The following SLC7A11 variants were observed in gnomAD, a reference collection of about 807,000 sequenced individuals.
The protein encoded by SLC7A11 is solute carrier family 7 member 11.
Under a neutral mutation model 54.5 loss-of-function variants are expected in SLC7A11, and 35 were observed. The observed-to-expected ratio is 0.64, with a 90% CI of 0.49 to 0.85. SLC7A11 has a LOEUF of 0.85. Ranked by LOEUF, SLC7A11 falls within the 40% of genes least tolerant of loss-of-function variation. SLC7A11 has a pLI of 0.00. For missense variants in SLC7A11, 583 were observed against 618.1 expected (o/e 0.94, Z 0.60); for synonymous variants, 230 against 225.2 (o/e 1.02, Z -0.19).
chr4:138,199,688 A>G (rs1367212521), intron 6 of SLC7A11, among the ~76,000 whole-genome samples: 1 of 152,126 alleles, frequency 6.6e-6, no homozygotes, highest in East Asian at 1.9e-4. Context: ...ACTATCTTTT[A>G]GAGAACAGGA....
chr4:138,176,714 C>T (rs553478499), intron 11 of SLC7A11: 2 of 152,276 alleles, frequency 1.3e-5, no homozygotes, highest in African/African-American at 4.8e-5. Context: ...GCTCTTTCTT[C>T]CTCAATTCTC....
intron 6 of SLC7A11, among the ~76,000 whole-genome samples, chr4:138,207,769 G>T (rs1324658477): frequency 6.6e-6 from 1 of 152,068 alleles, no homozygotes; most frequent in Non-Finnish European, 1.5e-5. Flanking sequence ...CAAGATAAAA[G>T]GCTTCAATTA....
At position 138,171,773 on chromosome 4, in the gene SLC7A11, CAT is replaced by C. The variant is rs763283103; in HGVS notation, c.*181_*182del. The C allele has an allele frequency of 2.9e-6, 2 of 690,130 alleles. No homozygotes were observed. The highest frequency in any genetic ancestry group is 1.9e-5 in the African/African-American group (1 of 53,168). The allele number at this position is 690,130 out of a possible 1,614,324, so 42.8% of individuals were successfully genotyped here. A position where few individuals can be genotyped will look rare whatever the true frequency, so the allele number is the denominator to read the frequency against. On this transcript the variant is annotated 3_prime_UTR_variant, in exon 12 of 12. Coordinates refer to ENST00000280612, the MANE Select transcript of SLC7A11 (RefSeq NM_014331.4). ...ACTGCATATTCACTTTCTATAACTACATAGAGTTATAACTAAATTTCTTAGAA... is the reference window on the plus strand; with the variant it reads ...ACTGCATATTCACTTTCTATAACTACAGAGTTATAACTAAATTTCTTAGAA...
chr4:138,240,288 C>T (rs987330823), intron 1 of SLC7A11, among the ~76,000 whole-genome samples: 12 of 152,002 alleles, frequency 7.9e-5, no homozygotes, highest in South Asian at 6.2e-4. Context: ...ATTTGAGGAC[C>T]GGGCGCGGTG....
chr4:138,221,834 G>A (rs2148444935), intron 4 of SLC7A11, among the ~76,000 whole-genome samples: 2 of 152,268 alleles, frequency 1.3e-5, no homozygotes, highest in South Asian at 4.1e-4. Flanking sequence ...AGTTTCAAGG[G>A]ATAGCATATA....
chr4:138,185,231 C>T lies in SLC7A11; in HGVS notation c.805G>A (p.Ala269Thr). ...ACAATGGCCATGGATATACATATTG[C>T]AAGGGGAATGGTTCTGAAATGCACA... ...VENPEKTIPL[A>T]ICISMAIVTI... Residue 269 changes from alanine to threonine, a missense_variant, in exon 7 of 12, where the codon GCA becomes ACA. Ala to Thr is a moderately conservative substitution (Grantham distance 58). Transcript: ENST00000280612. The T allele has an allele frequency of 6.2e-7, 1 of 1,612,636 alleles. No individual in the cohort carries two copies.
At position 138,220,207 on chromosome 4, in the gene SLC7A11, G is replaced by A. The variant is rs373733687; in HGVS notation, c.647-842C>T. Reference sequence around the variant, plus strand: ...CCCGCCTCGGCCTCCCAAAGTGTTAGGATTACAGGTGTGAGCCACTGCGTC... The same window carrying A: ...CCCGCCTCGGCCTCCCAAAGTGTTAAGATTACAGGTGTGAGCCACTGCGTC... On this transcript the variant is annotated intron_variant, in intron 4 of 11. Coordinates refer to ENST00000280612, the MANE Select transcript of SLC7A11 (RefSeq NM_014331.4). Among the ~76,000 whole-genome samples the A allele has an allele frequency of 5.6e-4, 85 of 151,892 alleles. 2 individuals are homozygous for A. The highest frequency in any genetic ancestry group is 1.9e-3 in the African/African-American group (80 of 41,454).
At chr4:138,185,370 G>A in intron 6 of SLC7A11, 126 bp from the exon 7 acceptor site, 1 of 1,096,378 alleles carries the variant, frequency 9.1e-7, no homozygotes, top group Non-Finnish European at 1.3e-6. Flanking sequence ...GGCTCTGTTG[G>A]GTATGTATAA....
intron 6 of SLC7A11, among the ~76,000 whole-genome samples, chr4:138,194,592 C>T (rs1737086819): frequency 6.6e-6 from 1 of 152,140 alleles, no homozygotes; most frequent in Admixed American, 6.5e-5. Flanking sequence ...GCTTTATACT[C>T]TAAATTCCCA....
At chr4:138,223,971 T>A (rs1329566978) in intron 3 of SLC7A11, among the ~76,000 whole-genome samples, 1 of 152,212 alleles carries the variant, frequency 6.6e-6, no homozygotes, top group African/African-American at 2.4e-5. Context: ...CAGGCTAGAA[T>A]GCACATTGGG....
At chr4:138,232,166 T>C (rs1578672094) in intron 3 of SLC7A11, 101 bp downstream of exon 3, 2 of 813,464 alleles carry the variant, frequency 2.5e-6, no homozygotes, top group East Asian at 2.5e-5. Context: ...AAGAACATGA[T>C]GTGAGAGGCA....
intron 11 of SLC7A11, chr4:138,174,482 A>G (rs1736516320): frequency 6.6e-6 from 1 of 152,222 alleles, no homozygotes; most frequent in African/African-American, 2.4e-5. Context: ...GATTTGAATG[A>G]CTTTCATCGT....
intron 6 of SLC7A11, among the ~76,000 whole-genome samples, chr4:138,192,585 CTT>C (rs34057129): frequency 0.43 from 64,880 of 151,760 alleles, 14,414 homozygotes; most frequent in East Asian, 0.61. Flanking sequence ...TATATCAAGA[CTT>C]TTTTGTAGCT....
At chr4:138,195,834 AT>A in intron 6 of SLC7A11, among the ~76,000 whole-genome samples, 1 of 152,292 alleles carries the variant, frequency 6.6e-6, no homozygotes, top group South Asian at 2.1e-4. Flanking sequence ...TAGTGCAAAC[AT>A]TTTTGAGAAG....
At chr4:138,204,079 C>A (rs1470322450) in intron 6 of SLC7A11, among the ~76,000 whole-genome samples, 4 of 152,074 alleles carry the variant, frequency 2.6e-5, no homozygotes, top group Non-Finnish European at 4.4e-5. Context: ...CTAGGTTCTA[C>A]TCTTCCTCCA....
chr4:138,176,907 AC>A (rs1318271996), intron 11 of SLC7A11: 54 of 152,256 alleles, frequency 3.5e-4, no homozygotes, highest in African/African-American at 1.2e-3. Context: ...AGTGTCTAGA[AC>A]ACAGAAAACT....
At chr4:138,198,172 G>A (rs928413435) in intron 6 of SLC7A11, among the ~76,000 whole-genome samples, 2 of 151,448 alleles carry the variant, frequency 1.3e-5, no homozygotes, top group Non-Finnish European at 2.9e-5. Context: ...AAATATGGGT[G>A]AGATGAAAAT....
At chr4:138,227,282 G>T (rs1413689874) in intron 3 of SLC7A11, among the ~76,000 whole-genome samples, 2 of 152,078 alleles carry the variant, frequency 1.3e-5, no homozygotes, top group African/African-American at 4.8e-5. Flanking sequence ...AGATAAAGTG[G>T]GTTGTTTCAC....
chr4:138,179,971 A>G (rs1465988021), intron 10 of SLC7A11, among the ~76,000 whole-genome samples: 2 of 152,132 alleles, frequency 1.3e-5, no homozygotes, highest in East Asian at 3.8e-4. Flanking sequence ...TGACAACCTT[A>G]TCTATGCCAT....
Sources: allele counts gnomAD v4.1 joint callset (sites outside exome capture counted in the v4.1 genomes callset), GRCh38; gene constraint gnomAD v4.1.1; transcripts MANE v1.5; gene names NCBI Gene and HGNC (gene_info 2026-07-23, HGNC 2026-07-21).